KCNIP4: variants seen among roughly 807,000 people sequenced by gnomAD.
The protein encoded by KCNIP4 is Kv channel-interacting protein 4.
KCNIP4 carries 12 observed loss-of-function variants against 34.0 expected under a neutral mutation model. The observed-to-expected ratio is 0.35, with a 90% CI of 0.23 to 0.57. KCNIP4 has a LOEUF of 0.57. Ranked by LOEUF, KCNIP4 falls within the 20% of genes least tolerant of loss-of-function variation. The probability of loss-of-function intolerance (pLI) is 0.83; values close to 1 mark genes in which losing one functional copy is unlikely to be tolerated. For missense variants in KCNIP4, 238 were observed against 311.7 expected (o/e 0.76, Z 1.78); for synonymous variants, 124 against 102.2 (o/e 1.21, Z -1.29).
At chr4:21,435,080 G>A (rs926487491) in intron 1 of KCNIP4, among the ~76,000 whole-genome samples, 1 of 152,126 alleles carries the variant, frequency 6.6e-6, no homozygotes, top group Admixed American at 6.5e-5. Context: ...ATTGAAAACA[G>A]GGGTCGCTCT....
At chr4:21,583,575 TA>T (rs2109077549) in intron 1 of KCNIP4, among the ~76,000 whole-genome samples, 1 of 152,130 alleles carries the variant, frequency 6.6e-6, no homozygotes, top group Non-Finnish European at 1.5e-5. Flanking sequence ...TAAGTGCTAT[TA>T]GGGAAAATGT....
At chr4:21,580,756 T>A (rs768104127) in intron 1 of KCNIP4, among the ~76,000 whole-genome samples, 13 of 151,974 alleles carry the variant, frequency 8.6e-5, no homozygotes, top group Non-Finnish European at 1.8e-4. Context: ...CTCTAGAAAA[T>A]CATCTAGGCA....
chr4:21,473,416 T>C (rs923641269), intron 1 of KCNIP4, among the ~76,000 whole-genome samples: 12 of 152,020 alleles, frequency 7.9e-5, no homozygotes, highest in Non-Finnish European at 1.6e-4. Context: ...TTGTCCTTGC[T>C]CCCCTTCCTG....
intron 1 of KCNIP4, among the ~76,000 whole-genome samples, chr4:21,523,947 TC>T (rs1440198959): frequency 6.6e-6 from 1 of 152,168 alleles, no homozygotes; most frequent in East Asian, 1.9e-4. Flanking sequence ...ATGTATTTCT[TC>T]CTTAAAACAT....
At chr4:21,136,704 A>G (rs764072790) in intron 1 of KCNIP4, among the ~76,000 whole-genome samples, 2 of 152,140 alleles carry the variant, frequency 1.3e-5, no homozygotes, top group African/African-American at 2.4e-5. Flanking sequence ...CAAACTCATC[A>G]AGTTCCATAC....
At chr4:21,380,493 G>A (rs1203099436) in intron 1 of KCNIP4, among the ~76,000 whole-genome samples, 3 of 151,376 alleles carry the variant, frequency 2.0e-5, no homozygotes, top group African/African-American at 7.3e-5. Flanking sequence ...GAGAGGGAGA[G>A]AGAGAGATCC....
intron 1 of KCNIP4, among the ~76,000 whole-genome samples, chr4:20,903,976 C>T (rs191323052): frequency 2.0e-5 from 3 of 152,200 alleles, no homozygotes; most frequent in East Asian, 3.9e-4. Flanking sequence ...GTGCCTGGCT[C>T]TACTTGATGG....
At chr4:21,460,293 T>C (rs943360907) in intron 1 of KCNIP4, among the ~76,000 whole-genome samples, 2 of 151,922 alleles carry the variant, frequency 1.3e-5, no homozygotes, top group African/African-American at 2.4e-5. Flanking sequence ...CTTTAAATTT[T>C]ACCCAAATGT....
At chr4:20,931,234 C>A (rs1730439987) in intron 1 of KCNIP4, among the ~76,000 whole-genome samples, 1 of 151,610 alleles carries the variant, frequency 6.6e-6, no homozygotes, top group African/African-American at 2.4e-5. Context: ...GAATATTCTT[C>A]AGCCATAAAA....
intron 1 of KCNIP4, among the ~76,000 whole-genome samples, chr4:21,788,179 T>A (rs1276571985): frequency 6.6e-6 from 1 of 152,146 alleles, no homozygotes; most frequent in Non-Finnish European, 1.5e-5. Flanking sequence ...AGCCATATTA[T>A]TTTCCACAGA....
intron 1 of KCNIP4, among the ~76,000 whole-genome samples, chr4:20,903,696 G>A (rs942168394): frequency 2.6e-5 from 4 of 151,962 alleles, no homozygotes; most frequent in Non-Finnish European, 5.9e-5. Flanking sequence ...ACCAAGCTGC[G>A]CCCCAATCAC....
intron 1 of KCNIP4, among the ~76,000 whole-genome samples, chr4:21,102,425 G>C (rs1056780639): frequency 1.3e-5 from 2 of 152,162 alleles, no homozygotes; most frequent in Admixed American, 1.3e-4. Flanking sequence ...GCAGATTTGG[G>C]ATAGGGTTAG....
intron 1 of KCNIP4, among the ~76,000 whole-genome samples, chr4:21,097,543 C>A (rs904295704): frequency 6.6e-6 from 1 of 152,014 alleles, no homozygotes; most frequent in Non-Finnish European, 1.5e-5. Flanking sequence ...ACAATATTTA[C>A]AACTTTTTCA....
intron 1 of KCNIP4, among the ~76,000 whole-genome samples, chr4:21,291,870 AGAAAGAAAGAAAGAAAGAAAGAAAG>A (rs1763513205): frequency 1.5e-4 from 2 of 13,280 alleles, no homozygotes; most frequent in African/African-American, 5.0e-4. Flanking sequence ...AAAAAAAAAA[AGAAAGAAAGAAAGAAAGAAAGAAAG>A]AAAGAAAGAA....
intron 1 of KCNIP4, among the ~76,000 whole-genome samples, chr4:21,679,184 G>C (rs1750148657): frequency 6.6e-6 from 1 of 152,130 alleles, no homozygotes; most frequent in South Asian, 2.1e-4. Flanking sequence ...ATTTTATAGT[G>C]ATGGCCCCGT....
intron 1 of KCNIP4, among the ~76,000 whole-genome samples, chr4:21,791,060 G>A (rs1347352867): frequency 1.3e-5 from 2 of 150,926 alleles, no homozygotes; most frequent in Admixed American, 6.6e-5. Context: ...AGTTTAAGGG[G>A]CAATAACAGA....
intron 1 of KCNIP4, among the ~76,000 whole-genome samples, chr4:20,922,539 G>GTCTA (rs1231904232): frequency 0.016 from 1,403 of 87,992 alleles, 12 homozygotes; most frequent in Non-Finnish European, 0.021. Flanking sequence ...CTGTCTGTCT[G>GTCTA]TCTGTCTGTC....
chr4:21,643,889 T>C (rs1746813733), intron 1 of KCNIP4, among the ~76,000 whole-genome samples: 1 of 141,820 alleles, frequency 7.1e-6, no homozygotes, highest in Non-Finnish European at 1.5e-5. Context: ...GATAGATAGA[T>C]AGATAGATAG....
In KCNIP4 at chr4:21,436,327, C is replaced by T. The variant is rs543504634; in HGVS notation, c.61+512244G>A. On this transcript the variant is annotated intron_variant, in intron 1 of 8. Transcript: ENST00000382152. ...GACTCTGAATGAAGGCACAGGAATG[C>T]TTGATAAAGTTACTTAGGTTCCAGG... 1.5e-3 allele frequency among the ~76,000 whole-genome samples: 228 copies of T among 152,282 alleles called. 2 individuals are homozygous for T. The highest frequency in any genetic ancestry group is 5.2e-3 in the African/African-American group (216 of 41,568).
Sources: gnomAD v4.1 joint callset for allele counts (sites outside exome capture counted in the v4.1 genomes callset) on GRCh38, gnomAD v4.1.1 for gene constraint, MANE v1.5 for transcripts, NCBI Gene and HGNC (gene_info 2026-07-23, HGNC 2026-07-21) for gene names.